ZNF267: variants seen among roughly 807,000 people sequenced by gnomAD.
ZNF267 encodes the protein zinc finger protein 267.
ZNF267 carries 61 observed loss-of-function variants against 71.6 expected under a neutral mutation model. That is an observed-to-expected ratio of 0.85 (90% CI 0.69 to 1.05). The LOEUF is 1.05. ZNF267 is among the 50% of genes least tolerant of loss of function. ZNF267 has a pLI of 0.00. For missense variants in ZNF267, 852 were observed against 870.0 expected (o/e 0.98, Z 0.26); for synonymous variants, 288 against 293.2 (o/e 0.98, Z 0.18).
intron 3 of ZNF267, chr16:31,913,386 A>C (rs185371369): frequency 1.3e-5 from 2 of 152,308 alleles, no homozygotes; most frequent in Non-Finnish European, 2.9e-5. Flanking sequence ...CACCACTGGG[A>C]CTGTGCTAAT....
chr16:31,878,370 A>G (rs1027068985), intron 1 of ZNF267, among the ~76,000 whole-genome samples: 1 of 152,112 alleles, frequency 6.6e-6, no homozygotes, highest in African/African-American at 2.4e-5. Flanking sequence ...AGCTGCCACC[A>G]CATGATTCCC....
intron 3 of ZNF267, among the ~76,000 whole-genome samples, chr16:31,908,238 T>G (rs2084107706): frequency 6.6e-6 from 1 of 152,150 alleles, no homozygotes; most frequent in African/African-American, 2.4e-5. Context: ...TGCCCATTTT[T>G]GATTGGATTA....
intron 3 of ZNF267, among the ~76,000 whole-genome samples, chr16:31,887,723 C>G (rs1407692113): frequency 6.6e-6 from 1 of 152,052 alleles, no homozygotes; most frequent in Admixed American, 6.6e-5. Context: ...TTTTTGTATT[C>G]TATTCCATTG....
intron 1 of ZNF267, among the ~76,000 whole-genome samples, chr16:31,877,136 C>A (rs568870505): frequency 2.0e-5 from 3 of 152,078 alleles, no homozygotes; most frequent in African/African-American, 2.4e-5. Flanking sequence ...ACACTCCCCC[C>A]ACCCGACAAC....
At chr16:31,902,308 T>C (rs1156410829) in intron 3 of ZNF267, among the ~76,000 whole-genome samples, 4 of 152,052 alleles carry the variant, frequency 2.6e-5, no homozygotes, top group Non-Finnish European at 5.9e-5. Flanking sequence ...ATCTTTAAAG[T>C]AGTTTTTTCC....
At chr16:31,898,340 G>A (rs903179829) in intron 3 of ZNF267, among the ~76,000 whole-genome samples, 1 of 151,898 alleles carries the variant, frequency 6.6e-6, no homozygotes, top group African/African-American at 2.4e-5. Flanking sequence ...GTGTGTTTTT[G>A]TATCTAAAGT....
chr16:31,900,047 A>G (rs1418184612), intron 3 of ZNF267, among the ~76,000 whole-genome samples: 2 of 152,118 alleles, frequency 1.3e-5, no homozygotes, highest in South Asian at 2.1e-4. Flanking sequence ...ATATATATAT[A>G]TAAACTGTGT....
At chr16:31,909,104 C>G (rs1486716943) in intron 3 of ZNF267, among the ~76,000 whole-genome samples, 1 of 115,388 alleles carries the variant, frequency 8.7e-6, no homozygotes, top group Non-Finnish European at 1.8e-5. Context: ...CTTCTATCTT[C>G]TATTTCTTTT....
At chr16:31,904,236 TGTG>T (rs2084067926) in intron 3 of ZNF267, among the ~76,000 whole-genome samples, 1 of 152,298 alleles carries the variant, frequency 6.6e-6, no homozygotes, top group Admixed American at 6.5e-5. Flanking sequence ...ATAGGTGTGG[TGTG>T]GTGCTGAAAA....
At chr16:31,892,343 C>T (rs910208241) in intron 3 of ZNF267, among the ~76,000 whole-genome samples, 7 of 152,126 alleles carry the variant, frequency 4.6e-5, no homozygotes, top group Non-Finnish European at 1.0e-4. Context: ...CAGTTACCTC[C>T]GACCAGGTCC....
At chr16:31,884,735 C>T in intron 2 of ZNF267, 111 bp downstream of exon 2, 1 of 1,200,384 alleles carries the variant, frequency 8.3e-7, no homozygotes, top group Non-Finnish European at 1.1e-6. Context: ...TTCTTGTTTT[C>T]AGGAAAAAAA....
intron 3 of ZNF267, among the ~76,000 whole-genome samples, chr16:31,887,346 G>A (rs778331538): frequency 2.6e-5 from 4 of 151,172 alleles, no homozygotes; most frequent in African/African-American, 4.9e-5. Flanking sequence ...TCCCTGGGTC[G>A]CTTTTTCATG....
chr16:31,884,445 TGAA>T (rs2083909708), intron 1 of ZNF267, 50 bp from the exon 2 acceptor site: 9 of 1,611,532 alleles, frequency 5.6e-6, no homozygotes, highest in Non-Finnish European at 7.6e-6. Context: ...TTGGGACAAA[TGAA>T]GAACTCTGCC....
chr16:31,897,378 A>C (rs1398245144), intron 3 of ZNF267, among the ~76,000 whole-genome samples: 1 of 152,054 alleles, frequency 6.6e-6, no homozygotes, highest in Non-Finnish European at 1.5e-5. Context: ...TTCTTTCCTC[A>C]TTGTGTGTTC....
intron 3 of ZNF267, chr16:31,912,815 T>C (rs948035009): frequency 1.3e-5 from 2 of 151,802 alleles, no homozygotes; most frequent in Non-Finnish European, 1.5e-5. Flanking sequence ...CATTCTTCAG[T>C]ATGCCAATTG....
chr16:31,915,625 C>T lies in ZNF267; in HGVS notation c.1376C>T (p.Thr459Ile), dbSNP rs1273906167. ...CTTACTCAACATCAGACAACTCATA[C>T]AGGAGAAAAACTTTACAAATGTAAA... Reference protein sequence around the residue: ...SCLTQHQTTHTGEKLYKCKVC... With the variant: ...SCLTQHQTTHIGEKLYKCKVC... The change falls in exon 4 of 4, where the codon ACA (threonine) becomes ATA (isoleucine). Residue 459 changes from threonine to isoleucine, a missense_variant. Physicochemically the swap from Thr to Ile is moderately conservative, Grantham distance 89. Coordinates refer to ENST00000300870, the MANE Select transcript of ZNF267 (RefSeq NM_003414.6). 6.2e-7 allele frequency: 1 copy of T among 1,613,804 alleles called. No homozygotes were observed. The highest frequency in any genetic ancestry group is 1.1e-5 in the South Asian group (1 of 91,056).
intron 1 of ZNF267, among the ~76,000 whole-genome samples, chr16:31,884,204 C>T (rs1036834508): frequency 1.3e-5 from 2 of 152,152 alleles, no homozygotes; most frequent in Non-Finnish European, 2.9e-5. Flanking sequence ...TTATACACAG[C>T]TGATTCTGGA....
chr16:31,893,988 G>C (rs1313739125), intron 3 of ZNF267, among the ~76,000 whole-genome samples: 1 of 152,208 alleles, frequency 6.6e-6, no homozygotes, highest in African/African-American at 2.4e-5. Flanking sequence ...CAGGACAAAG[G>C]CCAAGTGGGT....
rs34409182 is a variant in ZNF267, at chr16:31,909,120, C to CTTTTTTTTTTTTTTTT, written c.227-5345_227-5330dup. 1.9e-3 allele frequency among the ~76,000 whole-genome samples: 84 copies of CTTTTTTTTTTTTTTTT among 45,338 alleles called. 2 individuals are homozygous for CTTTTTTTTTTTTTTTT. The highest frequency in any genetic ancestry group is 4.6e-3 in the African/African-American group (54 of 11,660). 29.7% of individuals were successfully genotyped at this position (45,338 alleles called of 152,430 possible). On this transcript the variant is annotated intron_variant, in intron 3 of 3. Coordinates refer to ENST00000300870, the MANE Select transcript of ZNF267 (RefSeq NM_003414.6). ...TTCTATCTTCTATTTCTTTTCTTTT[C>CTTTTTTTTTTTTTTTT]TTTTTTTTTTTTTTTTTTTTTTTTT...
Sources: allele counts gnomAD v4.1 joint callset (sites outside exome capture counted in the v4.1 genomes callset), GRCh38; gene constraint gnomAD v4.1.1; transcripts MANE v1.5; gene names NCBI Gene and HGNC (gene_info 2026-07-23, HGNC 2026-07-21).